PFKFB3: variants seen among roughly 807,000 people sequenced by gnomAD.
PFKFB3 encodes the protein 6-phosphofructo-2-kinase/fructose-2,6-biphosphatase 3.
PFKFB3 carries 33 observed loss-of-function variants against 68.0 expected under a neutral mutation model. The ratio of observed to expected loss-of-function variants is 0.49; its 90% CI spans 0.37 to 0.65. PFKFB3 has a LOEUF of 0.65. PFKFB3 is among the 30% of genes least tolerant of loss of function. PFKFB3 has a pLI of 0.00. For synonymous variants in PFKFB3, 315 were observed against 288.2 expected (o/e 1.09, Z -0.94); for missense variants, 586 against 712.2 (o/e 0.82, Z 2.02).
chr10:6,322,965 A>G, the PFKFB3 span, among the ~76,000 whole-genome samples: 1 of 152,280 alleles, frequency 6.6e-6, no homozygotes, highest in African/African-American at 2.4e-5. Context: ...AGTCAGGTTC[A>G]CTGTTGCATC....
intron 1 of PFKFB3, among the ~76,000 whole-genome samples, chr10:6,177,214 G>GAGT (rs1425904480): frequency 6.6e-6 from 1 of 152,180 alleles, no homozygotes; most frequent in Non-Finnish European, 1.5e-5. Context: ...GGTTTGCTTG[G>GAGT]AGTAGTTAGG....
chr10:6,170,144 A>G (rs1842262599), intron 1 of PFKFB3, among the ~76,000 whole-genome samples: 1 of 152,136 alleles, frequency 6.6e-6, no homozygotes, highest in African/African-American at 2.4e-5. Flanking sequence ...TTTTAAGCAA[A>G]AGAACCTTGT....
chr10:6,265,173 C>T, the PFKFB3 span, among the ~76,000 whole-genome samples: 1 of 151,680 alleles, frequency 6.6e-6, no homozygotes. Context: ...CTCCACCTCC[C>T]GGGTTCAAGC....
intron 14 of PFKFB3, among the ~76,000 whole-genome samples, chr10:6,242,225 C>A (rs1190656835): frequency 3.9e-5 from 6 of 152,148 alleles, no homozygotes; most frequent in African/African-American, 1.4e-4. Context: ...TCCGTCTCCC[C>A]ATTTATTTAC....
rs987739196 is a variant in PFKFB3 at position 6,229,453 on chromosome 10, C to T, written c.1515+3088C>T. Among the ~76,000 whole-genome samples the T allele has an allele frequency of 1.3e-5, 2 of 152,238 alleles. No individual in the cohort carries two copies. The highest frequency in any genetic ancestry group is 2.9e-5 in the Non-Finnish European group (2 of 68,032). ...TGGGTGCCCGTTCCCTGCTGCTGTC[C>T]TGAGGCCCCTGCCCTGTGACCCGCA... is the stretch of plus-strand genomic sequence containing the variant. On this transcript the variant is annotated intron_variant, in intron 14 of 14. Transcript: ENST00000379775. The surrounding 1 kb of genome is among the most constrained non-coding windows in gnomAD (Gnocchi z 4.3).
At chr10:6,227,938 G>T (rs959408982) in intron 14 of PFKFB3, among the ~76,000 whole-genome samples, 1 of 152,158 alleles carries the variant, frequency 6.6e-6, no homozygotes, top group Non-Finnish European at 1.5e-5. Context: ...TTGATGCTTG[G>T]GGGGACCAGG....
chr10:6,151,928 C>G (rs1324628343), intron 1 of PFKFB3, among the ~76,000 whole-genome samples: 1 of 151,382 alleles, frequency 6.6e-6, no homozygotes, highest in African/African-American at 2.4e-5. Flanking sequence ...AACCGCCCTC[C>G]TGCAGCTCCT....
chr10:6,202,597 TCTCCTCCCGGC>T (rs1843408827), upstream of PFKFB3: 1 of 153,436 alleles, frequency 6.5e-6, no homozygotes, highest in Non-Finnish European at 1.5e-5. Flanking sequence ...GCGTCTCTGC[TCTCCTCCCGGC>T]CAGCACAGTT....
At position 6,215,446 on chromosome 10, in the gene PFKFB3, C is replaced by CGGGGCTGA. The variant is rs1844511287; in HGVS notation, c.299+136_299+137insAGGGGCTG. 1 of 702,940 alleles carries CGGGGCTGA rather than the reference C, an allele frequency of 1.4e-6. No homozygotes were observed. Among genetic ancestry groups the CGGGGCTGA allele is most frequent in the Admixed American group, 2.1e-5 (1 of 47,430 alleles). 43.5% of individuals were successfully genotyped at this position (702,940 alleles called of 1,614,324 possible). ...GGGCTGTGGGAATAAGGCTGGGCTG[C>CGGGGCTGA]GGGGCTGCGGGTGTAAGGCTGGGCT... is the stretch of plus-strand genomic sequence containing the variant. On this transcript the variant is annotated intron_variant, in intron 3 of 14. Transcript: ENST00000379775. This position sits in a 1 kb window ranked among gnomAD's most constrained non-coding sequence, Gnocchi z 4.3.
chr10:6,213,482 G>T, intron 1 of PFKFB3, 141 bp from the exon 2 acceptor site: 1 of 914,730 alleles, frequency 1.1e-6, no homozygotes, highest in Non-Finnish European at 1.7e-6. Flanking sequence ...TGGCCACCGT[G>T]CTCCCGCCTG....
intron 1 of PFKFB3, among the ~76,000 whole-genome samples, chr10:6,150,245 G>A (rs1437060604): frequency 1.3e-5 from 2 of 152,184 alleles, no homozygotes; most frequent in African/African-American, 4.8e-5. Context: ...TATTGGACCT[G>A]GTGGTAGCAA....
At chr10:6,231,343 C>G in intron 14 of PFKFB3, 2 of 1,612,134 alleles carry the variant, frequency 1.2e-6, no homozygotes, top group Non-Finnish European at 1.7e-6. Flanking sequence ...GTCCCTCTGT[C>G]CCGCACCGCG....
intron 14 of PFKFB3, among the ~76,000 whole-genome samples, chr10:6,243,762 G>T (rs563065603): frequency 1.3e-5 from 2 of 152,112 alleles, no homozygotes; most frequent in Non-Finnish European, 2.9e-5. Flanking sequence ...TTGCTAGGTC[G>T]CCCAAGGCTG....
rs532746153 is a variant in PFKFB3 at position 6,254,264 on chromosome 10, G to C, written c.1602G>C (p.Glu534Asp). ...AGAGCATTCTCTGGATACCCAGAGA[G>C]GTGACCGTGGCATCCAGGAGTGGAC... The change falls in exon 15 of 15, where the codon GAG becomes GAC. Residue 534 changes from glutamate to aspartate, a missense_variant. Transcript: ENST00000640683. The C allele has an allele frequency of 7.3e-5, 29 of 398,604 alleles. 2 individuals carry two copies. Among genetic ancestry groups the C allele is most frequent in the Admixed American group, 4.4e-4 (10 of 22,728 alleles). The allele number at this position is 398,604 out of a possible 1,614,324, so 24.7% of individuals were successfully genotyped here.
intron 1 of PFKFB3, among the ~76,000 whole-genome samples, chr10:6,157,614 C>T (rs1453848313): frequency 1.3e-5 from 2 of 152,094 alleles, no homozygotes; most frequent in African/African-American, 2.4e-5. Context: ...CCAAGAATCT[C>T]GTCTGCTATT....
chr10:6,317,351 T>C, the PFKFB3 span, among the ~76,000 whole-genome samples: 4 of 152,272 alleles, frequency 2.6e-5, no homozygotes, highest in African/African-American at 9.6e-5. Context: ...AAAGAGAAGA[T>C]AAATTCTCCT....
chr10:6,266,390 C>T, the PFKFB3 span, among the ~76,000 whole-genome samples: 1 of 152,112 alleles, frequency 6.6e-6, no homozygotes, highest in Non-Finnish European at 1.5e-5. Flanking sequence ...GATTTCTAGG[C>T]CTGTACAATA....
chr10:6,224,941 C>G (rs933328594), intron 13 of PFKFB3, among the ~76,000 whole-genome samples: 30 of 144,746 alleles, frequency 2.1e-4, no homozygotes, highest in African/African-American at 8.0e-4. Context: ...CCACCAAGAA[C>G]ACGGTGTTGA....
chr10:6,292,729 TG>T, the PFKFB3 span, among the ~76,000 whole-genome samples: 2 of 151,870 alleles, frequency 1.3e-5, no homozygotes, highest in African/African-American at 4.8e-5. Context: ...TAAAGTAACA[TG>T]AACAGCACTT....
Sources: allele counts gnomAD v4.1 joint callset (sites outside exome capture counted in the v4.1 genomes callset), GRCh38; gene constraint gnomAD v4.1.1; non-coding constraint Gnocchi (gnomAD v3.1); transcripts MANE v1.5; gene names NCBI Gene and HGNC (gene_info 2026-07-23, HGNC 2026-07-21).